Variants in TCF3 observed in about 807,000 individuals in gnomAD.
TCF3 encodes the protein transcription factor 3, also known as transcription factor E2-alpha.
In TCF3, 54 loss-of-function variants were observed where a neutral mutation model predicts 72.3. The ratio of observed to expected loss-of-function variants is 0.75; its 90% CI spans 0.60 to 0.94. The LOEUF (loss-of-function observed/expected upper bound fraction) is 0.94. Among genes scored for constraint, TCF3 ranks in the 40% least tolerant of loss-of-function variants. TCF3 has a pLI of 0.00. For synonymous variants in TCF3, 525 were observed against 412.6 expected (o/e 1.27, Z -3.30); for missense variants, 1,078 against 934.4 (o/e 1.15, Z -2.00).
rs1376446279 is a variant in TCF3, at chr19:1,615,301, C to T, written c.1806G>A (p.Leu602=). The part of the protein sequence containing the change: ...LHQAVSVILN[L]EQQVRERNLN... ...CCCACTGACCTCGCACTTGCTGCTC[C>T]AAGTTCAGGATGACCGAGACAGCCT... Residue 602 remains leucine, a synonymous_variant, in exon 18 of 19, where the codon TTG becomes TTA. Transcript: ENST00000262965. This position sits in a 1 kb window ranked among gnomAD's most constrained non-coding sequence, Gnocchi z 7.3. 3 of 1,596,146 alleles carry T rather than the reference C, an allele frequency of 1.9e-6. No homozygotes were observed. Among genetic ancestry groups the T allele is most frequent in the Non-Finnish European group, 2.6e-6 (3 of 1,166,320 alleles).
intron 2 of TCF3, among the ~76,000 whole-genome samples, 199 bp downstream of exon 2, chr19:1,649,978 G>C (rs1435988524): frequency 6.6e-6 from 1 of 152,224 alleles, no homozygotes; most frequent in Admixed American, 6.5e-5. Context: ...CCGGGCAAAA[G>C]CCCCATAGCA....
At position 1,631,711 on chromosome 19, in the gene TCF3, C is replaced by T. The variant is rs557756752; in HGVS notation, c.298+327G>A. Among the ~76,000 whole-genome samples, 7 of 152,326 alleles carry T rather than the reference C, an allele frequency of 4.6e-5. No homozygotes were observed. The East Asian group carries it at 9.6e-4, about 21-fold the overall frequency. On this transcript the variant is annotated intron_variant, in intron 5 of 18. Coordinates refer to ENST00000262965, the MANE Select transcript of TCF3 (RefSeq NM_003200.5). ...CAGAACTCCTACGCCTCCTTCCCAG[C>T]GGGCACAGGCCAGCCCGGCTGACCC... is the stretch of plus-strand genomic sequence containing the variant.
intron 3 of TCF3, among the ~76,000 whole-genome samples, chr19:1,633,047 G>C (rs1289993770): frequency 6.8e-6 from 1 of 148,068 alleles, no homozygotes; most frequent in Non-Finnish European, 1.5e-5. Context: ...CGTGGGGCAG[G>C]AGTTCCCGGC....
At chr19:1,649,782 A>G (rs2066713027) in intron 2 of TCF3, among the ~76,000 whole-genome samples, 1 of 151,884 alleles carries the variant, frequency 6.6e-6, no homozygotes, top group Admixed American at 6.6e-5. Context: ...ACTGGAGTGC[A>G]GTGATCTTTT....
intron 2 of TCF3, among the ~76,000 whole-genome samples, chr19:1,649,574 C>T (rs1359451863): frequency 6.6e-6 from 1 of 152,204 alleles, no homozygotes; most frequent in Non-Finnish European, 1.5e-5. Flanking sequence ...CCACTCCTAG[C>T]TAATTTTTTG....
At chr19:1,646,692 G>T (rs1423761456) in intron 2 of TCF3, among the ~76,000 whole-genome samples, 2 of 152,216 alleles carry the variant, frequency 1.3e-5, no homozygotes, top group Admixed American at 1.3e-4. Context: ...CCGCCAGGCA[G>T]AGTCCCTGCC....
rs1350803580 is a variant in TCF3, at chr19:1,621,960, A to G, written c.833T>C (p.Leu278Pro). 2 of 1,606,112 alleles carry G rather than the reference A, an allele frequency of 1.2e-6. No individual in the cohort carries two copies. Among genetic ancestry groups the G allele is most frequent in the Non-Finnish European group, 1.7e-6 (2 of 1,176,766 alleles). ...LHQHERMGYQ[L>P]HGAEVNGGLP... ...CCCACCGTTCACCTCTGCTCCATGCAGCTGGTAGCCCTGGGGGGTCAGGCA... is the reference window on the plus strand; with the variant it reads ...CCCACCGTTCACCTCTGCTCCATGCGGCTGGTAGCCCTGGGGGGTCAGGCA... Residue 278 changes from leucine (L) to proline (P), a missense_variant, in exon 11 of 19, where the codon CTG becomes CCG. By Grantham distance (98) the Leu-to-Pro change is moderately conservative. Transcript: ENST00000262965.
At position 1,621,236 on chromosome 19, in the gene TCF3, C is replaced by T. The variant is rs187679528; in HGVS notation, c.956-45G>A. 77 of 1,520,338 alleles carry T rather than the reference C, an allele frequency of 5.1e-5. No individual in the cohort carries two copies. The East Asian group carries it at 1.8e-3, about 35-fold the overall frequency. 94.2% of individuals were successfully genotyped at this position (1,520,338 alleles called of 1,614,324 possible). On this transcript the variant is annotated intron_variant, in intron 11 of 18. Transcript: ENST00000262965. Reference sequence around the variant, plus strand: ...AGGCCCACGCAGCCCGGCCTGGGTGCTGCCGCCGACGGCAAGCTCTCCTGC... The same window carrying T: ...AGGCCCACGCAGCCCGGCCTGGGTGTTGCCGCCGACGGCAAGCTCTCCTGC...
chr19:1,615,770 T>TC lies in TCF3; in HGVS notation c.1501dup (p.Glu501GlyfsTer12). Reference sequence around the variant, plus strand: ...TGACGTGTTCTCCTCGTCCTCCTTCTCCTCCCGCTTGATCTCGCTGGCGGC... The same window carrying TC: ...TGACGTGTTCTCCTCGTCCTCCTTCTCCCTCCCGCTTGATCTCGCTGGCGGC... On this transcript the variant is annotated frameshift_variant, in exon 17 of 19. Transcript: ENST00000262965. LOFTEE classifies it high-confidence loss of function. This position sits in a 1 kb window ranked among gnomAD's most constrained non-coding sequence, Gnocchi z 7.3. The TC allele has an allele frequency of 6.3e-7, 1 of 1,597,208 alleles. No homozygotes were observed. Among genetic ancestry groups the TC allele is most frequent in the Non-Finnish European group, 8.6e-7 (1 of 1,169,362 alleles).
intron 7 of TCF3, 73 bp from the exon 8 acceptor site, chr19:1,624,073 A>G: frequency 6.8e-7 from 1 of 1,467,210 alleles, no homozygotes; most frequent in Non-Finnish European, 9.5e-7. Context: ...CCTGGAGGAG[A>G]GACCCTCACA....
chr19:1,618,944 C>T (rs566607415), intron 16 of TCF3, among the ~76,000 whole-genome samples, 167 bp downstream of exon 16: 9 of 152,342 alleles, frequency 5.9e-5, no homozygotes, highest in South Asian at 2.1e-4. Flanking sequence ...ACGCCGGCCC[C>T]GCCGGTCTTA....
intron 18 of TCF3, among the ~76,000 whole-genome samples, chr19:1,612,054 G>C (rs1469079850): frequency 6.6e-6 from 1 of 152,062 alleles, no homozygotes; most frequent in Non-Finnish European, 1.5e-5. Context: ...TGGGTATCAG[G>C]GGGTGTCTGG....
rs759729787 is a variant in TCF3, at chr19:1,619,132, G to C, written c.1429C>G (p.Arg477Gly). The change falls in exon 16 of 19, where the codon CGG becomes GGG. Residue 477 changes from arginine (R) to glycine (G), a missense_variant. By Grantham distance (125) the Arg-to-Gly change is moderately radical. Coordinates refer to ENST00000262965, the MANE Select transcript of TCF3 (RefSeq NM_003200.5). ...SQPGTLPDLS[R>G]PPDSYSGLGR... The stretch of plus-strand genomic sequence containing the variant: ...TTACCACTGTAGGAGTCGGGAGGCC[G>C]AGACAGGTCAGGGAGGGTGCCTGGC... The C allele has an allele frequency of 6.3e-7, 1 of 1,599,814 alleles. No individual in the cohort carries two copies. Among genetic ancestry groups the C allele is most frequent in the East Asian group, 2.2e-5 (1 of 44,864 alleles).
intron 18 of TCF3, among the ~76,000 whole-genome samples, chr19:1,613,945 CA>C (rs1324737576): frequency 2.0e-4 from 31 of 152,270 alleles, no homozygotes; most frequent in African/African-American, 6.5e-4. Flanking sequence ...TCCAGCCGAG[CA>C]GCATGCAGCT....
chr19:1,609,890 C>T lies in TCF3; in HGVS notation c.*1817G>A, dbSNP rs538660191. 4.7e-5 allele frequency: 11 copies of T among 232,420 alleles called. No homozygotes were observed. Among genetic ancestry groups the T allele is most frequent in the South Asian group, 1.8e-4 (1 of 5,526 alleles). The allele number at this position is 232,420 out of a possible 1,614,324, so 14.4% of individuals were successfully genotyped here. A position where few individuals can be genotyped will look rare whatever the true frequency, so the allele number is the denominator to read the frequency against. Reference sequence around the variant, plus strand: ...CAGGAGTGGCACGGGGGGAGACGCCCGACCTGCAGCGGGGATGAACACAGC... The same window carrying T: ...CAGGAGTGGCACGGGGGGAGACGCCTGACCTGCAGCGGGGATGAACACAGC... On this transcript the variant is annotated 3_prime_UTR_variant, in exon 19 of 19. Transcript: ENST00000262965.
In TCF3 at chr19:1,611,647, C is replaced by T. The variant is rs574234503; in HGVS notation, c.*60G>A. ...GATGAAGCCCGGGGTCTCGAGTGGC[C>T]GTTCTGGGGCCAGAGCACAGGGCTG... On this transcript the variant is annotated 3_prime_UTR_variant, in exon 19 of 19. Coordinates refer to ENST00000262965, the MANE Select transcript of TCF3 (RefSeq NM_003200.5). 3.1e-5 allele frequency: 49 copies of T among 1,562,780 alleles called. No homozygotes were observed. Among genetic ancestry groups the T allele is most frequent in the African/African-American group, 5.4e-5 (4 of 73,466 alleles).
At chr19:1,643,891 G>A (rs932097595) in intron 3 of TCF3, among the ~76,000 whole-genome samples, 6 of 152,232 alleles carry the variant, frequency 3.9e-5, no homozygotes, top group East Asian at 1.9e-4. Flanking sequence ...GGCACATGAA[G>A]AAGGGGCCAA....
intron 18 of TCF3, among the ~76,000 whole-genome samples, chr19:1,613,623 A>C (rs2061260272): frequency 2.0e-5 from 3 of 152,150 alleles, no homozygotes; most frequent in Admixed American, 2.0e-4. Flanking sequence ...CTCAGCAGGC[A>C]AATACCTGGG....
intron 3 of TCF3, among the ~76,000 whole-genome samples, chr19:1,641,162 CAA>C (rs58100035): frequency 4.8e-5 from 6 of 124,768 alleles, no homozygotes; most frequent in Non-Finnish European, 6.8e-5. Flanking sequence ...AACTCGGTCT[CAA>C]AAAAAAAAAA....
Sources: gnomAD v4.1 joint callset for allele counts (sites outside exome capture counted in the v4.1 genomes callset) on GRCh38, gnomAD v4.1.1 for gene constraint, Gnocchi (gnomAD v3.1) non-coding constraint, MANE v1.5 for transcripts, NCBI Gene and HGNC (gene_info 2026-07-23, HGNC 2026-07-21) for gene names.